Variants in CFAP46 observed in about 807,000 individuals in gnomAD.
CFAP46 encodes cilia and flagella associated protein 46.
A neutral mutation model predicts 325.7 loss-of-function variants in CFAP46; 245 were observed. The ratio of observed to expected loss-of-function variants is 0.75; its 90% CI spans 0.68 to 0.84. The LOEUF (loss-of-function observed/expected upper bound fraction) is 0.84, where lower values mean the gene tolerates loss of function less well. Ranked by LOEUF, CFAP46 falls within the 40% of genes least tolerant of loss-of-function variation. The pLI, the probability that CFAP46 is intolerant of heterozygous loss-of-function variation, is 0.00. For synonymous variants in CFAP46, 1,523 were observed against 1,495.9 expected (o/e 1.02, Z -0.42); for missense variants, 3,346 against 3,543.0 (o/e 0.94, Z 1.41).
At chr10:132,908,962 A>T (rs993013002) in intron 21 of CFAP46, among the ~76,000 whole-genome samples, 175 bp downstream of exon 21, 3 of 152,164 alleles carry the variant, frequency 2.0e-5, no homozygotes, top group Non-Finnish European at 4.4e-5. Context: ...TGCTCTGAGC[A>T]TGGAGCTGAA....
At position 132,840,857 on chromosome 10, in the gene CFAP46, C is replaced by T. The variant is rs181445187; in HGVS notation, c.6439-3943G>A. 2.1e-4 allele frequency among the ~76,000 whole-genome samples: 32 copies of T among 152,254 alleles called. 1 individual carries two copies. The highest frequency in any genetic ancestry group is 1.6e-3 in the Admixed American group (24 of 15,302). On this transcript the variant is annotated intron_variant, in intron 44 of 57. Transcript: ENST00000368586. ...TGCTGTGGCTGTGTGTGGCCCAGCGCTGTTCGGTTTTAGCCATGTCTGGTG... is the reference window on the plus strand; with the variant it reads ...TGCTGTGGCTGTGTGTGGCCCAGCGTTGTTCGGTTTTAGCCATGTCTGGTG...
intron 50 of CFAP46, among the ~76,000 whole-genome samples, chr10:132,822,504 C>A (rs1847884105): frequency 3.9e-5 from 4 of 101,392 alleles, no homozygotes; most frequent in Admixed American, 2.4e-4. Context: ...CTGATGTGTG[C>A]TGTGTGCTGA....
chr10:132,814,733 CG>C lies in CFAP46; in HGVS notation c.7201del (p.Arg2401GlyfsTer9). 1.2e-6 allele frequency: 2 copies of C among 1,613,460 alleles called. No homozygotes were observed. The highest frequency in any genetic ancestry group is 1.7e-6 in the Non-Finnish European group (2 of 1,179,788). On this transcript the variant is annotated frameshift_variant, in exon 52 of 58. Transcript: ENST00000368586. LOFTEE classifies it high-confidence loss of function. Reference protein sequence around the residue: ...AKKGRKGSIPRTIPPDCIIVD... With the variant: ...AKKGRKGSIPXTIPPDCIIVD... ...TATGATGCAGTCAGGGGGGATGGTC[CG>C]GGGGATGCTGCCCTGCAACCACAGA...
rs899478956 is a variant in CFAP46, at chr10:132,861,902, G to A, written c.4891-920C>T. ...GGGGCTACCCGCCGCCAGAGAGCAG[G>A]TGTCCCAGCTGCTGAGGGCTCCATC... On this transcript the variant is annotated intron_variant, in intron 35 of 57. Coordinates refer to ENST00000368586, the MANE Select transcript of CFAP46 (RefSeq NM_001200049.3). Among the ~76,000 whole-genome samples, 3 of 152,216 alleles carry A rather than the reference G, an allele frequency of 2.0e-5. No individual in the cohort carries two copies. The East Asian group carries it at 5.8e-4, about 29-fold the overall frequency.
At chr10:132,815,596 G>A (rs1442248991) in intron 50 of CFAP46, among the ~76,000 whole-genome samples, 1 of 152,210 alleles carries the variant, frequency 6.6e-6, no homozygotes, top group Non-Finnish European at 1.5e-5. Flanking sequence ...TGAAATGCTT[G>A]CACTGTTCCT....
At chr10:132,831,918 G>T (rs528255210) in intron 50 of CFAP46, among the ~76,000 whole-genome samples, 1 of 151,514 alleles carries the variant, frequency 6.6e-6, no homozygotes, top group Admixed American at 6.6e-5. Flanking sequence ...TTCTTGTTTT[G>T]TTTTTATTGA....
At chr10:132,864,849 G>A (rs1262166081) in intron 35 of CFAP46, among the ~76,000 whole-genome samples, 1 of 130,098 alleles carries the variant, frequency 7.7e-6, no homozygotes, top group Non-Finnish European at 1.7e-5. Context: ...TGTTCCCAGT[G>A]CCTGAGACCT....
chr10:132,941,815 C>G (rs1229848354), intron 2 of CFAP46, 93 bp from the exon 3 acceptor site: 1 of 1,573,150 alleles, frequency 6.4e-7, no homozygotes, highest in African/African-American at 1.3e-5. Context: ...AACAGGCCCC[C>G]AGCACAGGTG....
chr10:132,851,677 G>A (rs1038288871), intron 39 of CFAP46, among the ~76,000 whole-genome samples: 2 of 152,202 alleles, frequency 1.3e-5, no homozygotes, highest in Non-Finnish European at 2.9e-5. Flanking sequence ...TCCCCCACGC[G>A]GCTGCACGCA....
At chr10:132,816,687 A>G (rs895784120) in intron 50 of CFAP46, among the ~76,000 whole-genome samples, 3 of 151,992 alleles carry the variant, frequency 2.0e-5, no homozygotes, top group African/African-American at 7.2e-5. Flanking sequence ...CGCTTTTCCT[A>G]TTCTGACGTT....
In CFAP46 at chr10:132,919,369, G is replaced by A. The variant is rs556386277; in HGVS notation, c.1804C>T (p.Arg602Cys). ...ACGTTGTCATACAGGAGGCAGAAGC[G>A]GCTCGCCGTCCGACAGACGTCCCAC... ...GVWDVCRTAS[R>C]FCLLYDNVKV... The change falls in exon 15 of 58, where the codon CGC becomes TGC. Residue 602 changes from arginine (R) to cysteine (C), a missense_variant. Transcript: ENST00000368586. The surrounding 1 kb of genome is among the most constrained non-coding windows in gnomAD (Gnocchi z 9.7). The A allele has an allele frequency of 1.1e-4, 169 of 1,550,118 alleles. No homozygotes were observed. The African/African-American group carries it at 1.8e-3, about 17-fold the overall frequency.
intron 10 of CFAP46, 127 bp downstream of exon 10, chr10:132,926,441 G>A (rs1849813164): frequency 2.9e-6 from 2 of 689,972 alleles, no homozygotes; most frequent in Admixed American, 2.2e-5. Flanking sequence ...GGGAGCCAGG[G>A]CGAGTCTAGC....
chr10:132,895,777 T>C (rs1849309072), intron 24 of CFAP46, among the ~76,000 whole-genome samples: 1 of 152,238 alleles, frequency 6.6e-6, no homozygotes, highest in South Asian at 2.1e-4. Context: ...TGTGGTGGTA[T>C]TTGGCGACAG....
chr10:132,878,526 C>T (rs1426660706), intron 29 of CFAP46, among the ~76,000 whole-genome samples: 1 of 152,204 alleles, frequency 6.6e-6, no homozygotes, highest in African/African-American at 2.4e-5. Flanking sequence ...CTGGGGCAGG[C>T]GTGGCTGGCC....
rs1301672519 is a variant in CFAP46 at position 132,878,091 on chromosome 10, G to A, written c.4006-4C>T. 17 of 1,548,780 alleles carry A rather than the reference G, an allele frequency of 1.1e-5. No homozygotes were observed. The South Asian group carries it at 1.9e-4, about 17-fold the overall frequency. Reference sequence around the variant, plus strand: ...TTCCTGCTGTCATCAAAGAAACCTGGTGGGGATGAAATCCACATTTGCAGC... The same window carrying A: ...TTCCTGCTGTCATCAAAGAAACCTGATGGGGATGAAATCCACATTTGCAGC... On this transcript the variant is annotated splice_region_variant and splice_polypyrimidine_tract_variant and intron_variant, in intron 29 of 57. Coordinates refer to ENST00000368586, the MANE Select transcript of CFAP46 (RefSeq NM_001200049.3).
rs147358530 is a variant in CFAP46 at position 132,927,038 on chromosome 10, G to A, written c.967-372C>T. Among the ~76,000 whole-genome samples, 9 of 152,302 alleles carry A rather than the reference G, an allele frequency of 5.9e-5. No homozygotes were observed. The East Asian group carries it at 1.7e-3, about 29-fold the overall frequency. On this transcript the variant is annotated intron_variant, in intron 9 of 57. Coordinates refer to ENST00000368586, the MANE Select transcript of CFAP46 (RefSeq NM_001200049.3). The stretch of plus-strand genomic sequence containing the variant: ...TGTTGTACGTCACACCGGGAAGAAG[G>A]GCACTCTACCTCTCCTTTCTTGGGG...
intron 25 of CFAP46, among the ~76,000 whole-genome samples, chr10:132,891,252 C>A (rs190697414): frequency 3.0e-4 from 46 of 152,294 alleles, no homozygotes; most frequent in African/African-American, 8.9e-4. Context: ...GCCCCCCAAC[C>A]GACTGAATGG....
chr10:132,914,026 C>T (rs1023316405), intron 17 of CFAP46, among the ~76,000 whole-genome samples: 11 of 151,508 alleles, frequency 7.3e-5, no homozygotes, highest in Non-Finnish European at 1.3e-4. Context: ...CTCTGGCCCC[C>T]GCCCCGAGGC....
intron 37 of CFAP46, among the ~76,000 whole-genome samples, chr10:132,859,700 C>A (rs749942228): frequency 6.6e-6 from 1 of 152,194 alleles, no homozygotes; most frequent in Non-Finnish European, 1.5e-5. Flanking sequence ...GCTGCCCTCG[C>A]GCCAATGCAG....
Sources: allele counts gnomAD v4.1 joint callset (sites outside exome capture counted in the v4.1 genomes callset), GRCh38; gene constraint gnomAD v4.1.1; non-coding constraint Gnocchi (gnomAD v3.1); transcripts MANE v1.5; gene names NCBI Gene and HGNC (gene_info 2026-07-23, HGNC 2026-07-21).